The following STEAP3 variants were observed in gnomAD, a reference collection of about 807,000 sequenced individuals.
STEAP3 encodes STEAP3 metalloreductase.
A neutral mutation model predicts 34.9 loss-of-function variants in STEAP3; 35 were observed. The observed-to-expected ratio is 1.00, with a 90% CI of 0.76 to 1.33. The LOEUF (loss-of-function observed/expected upper bound fraction) is 1.33, where lower values mean the gene tolerates loss of function less well. Among genes scored for constraint, STEAP3 ranks in the 40% most tolerant of loss-of-function variants. The pLI is 0.00. For missense variants in STEAP3, 652 were observed against 667.6 expected (o/e 0.98, Z 0.26); for synonymous variants, 281 against 301.6 (o/e 0.93, Z 0.71).
intron 2 of STEAP3, chr2:119,244,826 C>T (rs531701543): frequency 1.3e-5 from 2 of 152,280 alleles, no homozygotes; most frequent in Non-Finnish European, 2.9e-5. Context: ...TCTTAGGGGC[C>T]CATTCACTTG....
chr2:119,250,877 C>T (rs977815484), intron 4 of STEAP3, among the ~76,000 whole-genome samples: 5 of 152,180 alleles, frequency 3.3e-5, no homozygotes, highest in African/African-American at 1.2e-4. Flanking sequence ...GCAACCATCC[C>T]TCCCGCAGGA....
rs975856088 is a variant in STEAP3, at chr2:119,230,959, C to T, written c.-54C>T. On this transcript the variant is annotated 5_prime_UTR_variant, in exon 2 of 6. Transcript: ENST00000393110. ...GACTGAGCCAGAAAGGGTGGCTCAC[C>T]TCACGGTGAGGCTGTCGAGTGACCT... is the stretch of plus-strand genomic sequence containing the variant. The T allele has an allele frequency of 3.2e-5, 51 of 1,613,572 alleles. 1 individual carries two copies. The Admixed American group carries it at 8.5e-4, about 27-fold the overall frequency.
intron 2 of STEAP3, among the ~76,000 whole-genome samples, chr2:119,244,091 T>C (rs1236526428): frequency 6.6e-6 from 1 of 152,168 alleles, no homozygotes; most frequent in African/African-American, 2.4e-5. Context: ...AAATATATTA[T>C]ATGGAAACAC....
intron 2 of STEAP3, among the ~76,000 whole-genome samples, chr2:119,238,749 C>T (rs570049552): frequency 5.9e-5 from 9 of 152,274 alleles, no homozygotes; most frequent in African/African-American, 1.7e-4. Context: ...TGAAGATGGA[C>T]CCCAGGCAGG....
rs141034237 is a variant in STEAP3 at position 119,247,880 on chromosome 2, G to A, written c.724G>A (p.Val242Ile). The change falls in exon 4 of 6, where the codon GTC (valine) becomes ATC (isoleucine). Residue 242 changes from valine (V) to isoleucine (I), a missense_variant. Coordinates refer to ENST00000393110, the MANE Select transcript of STEAP3 (RefSeq NM_182915.3). ...CGTCTGCTTCTATGCCTACAACTTC[G>A]TCCGGGACGTTCTGCAGCCCTATGT... Reference protein sequence around the residue: ...LFVCFYAYNFVRDVLQPYVQE... With the variant: ...LFVCFYAYNFIRDVLQPYVQE... 222 of 1,613,810 alleles carry A rather than the reference G, an allele frequency of 1.4e-4. No individual in the cohort carries two copies. In the Middle Eastern group the frequency reaches 1.6e-3, roughly 12 times the overall value.
intron 4 of STEAP3, among the ~76,000 whole-genome samples, chr2:119,252,949 G>A (rs149203837): frequency 2.0e-5 from 3 of 152,306 alleles, no homozygotes; most frequent in Non-Finnish European, 2.9e-5. Flanking sequence ...TTCCCGAGGC[G>A]CAGAGAGGAA....
At chr2:119,257,689 G>C in intron 5 of STEAP3, 1 of 1,415,640 alleles carries the variant, frequency 7.1e-7, no homozygotes, top group Non-Finnish European at 9.2e-7. Flanking sequence ...GGCTTTTGAG[G>C]TAAGCTGCAA....
Position 119,254,994 on chromosome 2 carries a change from A to T in STEAP3, c.1215+146A>T, listed in dbSNP as rs138450194. Reference sequence around the variant, plus strand: ...GTGAGATGCCAGGCCTTCCTGACCCAGAGGGCCCATCCAAGCCTCTTGATA... The same window carrying T: ...GTGAGATGCCAGGCCTTCCTGACCCTGAGGGCCCATCCAAGCCTCTTGATA... On this transcript the variant is annotated intron_variant, in intron 5 of 5. Coordinates refer to ENST00000393110, the MANE Select transcript of STEAP3 (RefSeq NM_182915.3). 1,456 of 1,058,820 alleles carry T rather than the reference A, an allele frequency of 1.4e-3. 4 individuals carry two copies. Among genetic ancestry groups the T allele is most frequent in the Admixed American group, 2.8e-3 (119 of 42,944 alleles). The allele number at this position is 1,058,820 out of a possible 1,614,324, so 65.6% of individuals were successfully genotyped here.
rs932759294 is a variant in STEAP3, at chr2:119,233,656, T to A, written c.22+2622T>A. 3.4e-4 allele frequency among the ~76,000 whole-genome samples: 51 copies of A among 152,236 alleles called. 1 individual carries two copies. Among genetic ancestry groups the A allele is most frequent in the Admixed American group, 1.0e-3 (16 of 15,296 alleles). On this transcript the variant is annotated intron_variant, in intron 2 of 5. Transcript: ENST00000393110. ...AGGTGTTAGAGGCACAGAAATGAGT[T>A]TTTTATTGGCCCCCATCCAATGAGG...
Position 119,254,865 on chromosome 2 carries a change from T to C in STEAP3, c.1215+17T>C, listed in dbSNP as rs993041998. ...TTCGTTCAGGTAAAGTAGTCTCTAG[T>C]CTGCCAGCCAGCTTCAGCGTGGCCC... On this transcript the variant is annotated intron_variant, in intron 5 of 5. Coordinates refer to ENST00000393110, the MANE Select transcript of STEAP3 (RefSeq NM_182915.3). 3.7e-6 allele frequency: 6 copies of C among 1,611,566 alleles called. No individual in the cohort carries two copies. The highest frequency in any genetic ancestry group is 2.2e-5 in the East Asian group (1 of 44,820).
intron 2 of STEAP3, among the ~76,000 whole-genome samples, chr2:119,240,309 G>T (rs1677209320): frequency 6.6e-6 from 1 of 152,380 alleles, no homozygotes; most frequent in South Asian, 2.1e-4. Context: ...TGCTCAGTCA[G>T]TCCCCACATG....
chr2:119,231,232 A>G (rs750742210), intron 2 of STEAP3, among the ~76,000 whole-genome samples, 198 bp downstream of exon 2: 3 of 152,122 alleles, frequency 2.0e-5, no homozygotes, highest in Non-Finnish European at 4.4e-5. Context: ...AATGGGAAAT[A>G]TGTATCAGCT....
chr2:119,225,402 G>A (rs1679006880), intron 1 of STEAP3, among the ~76,000 whole-genome samples: 1 of 152,252 alleles, frequency 6.6e-6, no homozygotes, highest in South Asian at 2.1e-4. Flanking sequence ...TCTAATGCTG[G>A]CCTCAGAGCC....
chr2:119,245,768 T>C lies in STEAP3; in HGVS notation c.302T>C (p.Val101Ala), dbSNP rs746610943. Reference protein sequence around the residue: ...VSSPEVIFVAVFREHYSSLCS... With the variant: ...VSSPEVIFVAAFREHYSSLCS... ...TCCCCGGAGGTCATCTTTGTGGCTG[T>C]GTTCCGGGAGCACTACTCTTCACTG... The change falls in exon 3 of 6, where the codon GTG (valine) becomes GCG (alanine). Residue 101 changes from valine to alanine, a missense_variant. Val to Ala is a moderately conservative substitution (Grantham distance 64, BLOSUM62 0). Coordinates refer to ENST00000393110, the MANE Select transcript of STEAP3 (RefSeq NM_182915.3). The C allele has an allele frequency of 2.5e-6, 4 of 1,614,038 alleles. No individual in the cohort carries two copies. Among genetic ancestry groups the C allele is most frequent in the African/African-American group, 1.3e-5 (1 of 75,060 alleles).
chr2:119,229,116 G>A lies in STEAP3; in HGVS notation c.-393-1504G>A, dbSNP rs570245522. ...AGAAACCCACCCACTTAAACTGCCC[G>A]GGCGATTCTGGTGTTCACAAATATT... On this transcript the variant is annotated intron_variant, in intron 1 of 5. Transcript: ENST00000393110. Among the ~76,000 whole-genome samples the A allele has an allele frequency of 2.1e-4, 32 of 152,198 alleles. No homozygotes were observed. In the South Asian group the frequency reaches 2.3e-3, roughly 11 times the overall value.
chr2:119,257,706 C>G, intron 5 of STEAP3: 1 of 1,402,120 alleles, frequency 7.1e-7, no homozygotes, highest in East Asian at 2.9e-5. Flanking sequence ...GCAACCTTCT[C>G]CTTTAAAGTT....
chr2:119,244,019 G>A (rs568687270), intron 2 of STEAP3, among the ~76,000 whole-genome samples: 1 of 152,234 alleles, frequency 6.6e-6, no homozygotes, highest in East Asian at 1.9e-4. Flanking sequence ...TGAAGCTTGT[G>A]GACTTCTGCT....
chr2:119,259,176 A>G (rs1053236002), intron 5 of STEAP3, among the ~76,000 whole-genome samples: 2 of 152,178 alleles, frequency 1.3e-5, no homozygotes, highest in Non-Finnish European at 2.9e-5. Flanking sequence ...CCCCAGCTTC[A>G]TGAGCAATTG....
intron 4 of STEAP3, among the ~76,000 whole-genome samples, chr2:119,251,421 C>T (rs967508081): frequency 6.6e-6 from 1 of 152,118 alleles, no homozygotes; most frequent in African/African-American, 2.4e-5. Flanking sequence ...CAACAATAAC[C>T]GATATTTGTA....
Sources: allele counts gnomAD v4.1 joint callset (sites outside exome capture counted in the v4.1 genomes callset), GRCh38; gene constraint gnomAD v4.1.1; transcripts MANE v1.5; gene names NCBI Gene and HGNC (gene_info 2026-07-23, HGNC 2026-07-21).